Variants in ZNF891 observed in about 807,000 individuals in gnomAD.
ZNF891 encodes zinc finger protein 891, also known as hCG1646157.
For missense variants in ZNF891, 589 were observed against 632.7 expected (o/e 0.93, Z 0.74); for synonymous variants, 199 against 209.0 (o/e 0.95, Z 0.41).
At position 133,116,518 on chromosome 12, in the gene ZNF891, A is replaced by G. The variant is rs1955716039; in HGVS notation, c.*3766T>C. On this transcript the variant is annotated 3_prime_UTR_variant, in exon 2 of 2. Coordinates refer to ENST00000537226, the MANE Select transcript of ZNF891 (RefSeq NM_001277291.2). ...GCAGGCTCTCCTTTCCAAGCTACAA[A>G]TGAATCCCAGTAGACCTAAATACCC... 6.6e-6 allele frequency: 1 copy of G among 152,258 alleles called. No individual in the cohort carries two copies. Among genetic ancestry groups the G allele is most frequent in the Non-Finnish European group, 1.5e-5 (1 of 68,092 alleles). The allele number at this position is 152,258 out of a possible 1,614,324, so 9.4% of individuals were successfully genotyped here. A position where few individuals can be genotyped will look rare whatever the true frequency, so the allele number is the denominator to read the frequency against.
At position 133,119,802 on chromosome 12, in the gene ZNF891, C is replaced by T. The variant is rs1448110002; in HGVS notation, c.*482G>A. 3 of 155,892 alleles carry T rather than the reference C, an allele frequency of 1.9e-5. No homozygotes were observed. The highest frequency in any genetic ancestry group is 7.2e-5 in the African/African-American group (3 of 41,456). The allele number at this position is 155,892 out of a possible 1,614,324, so 9.7% of individuals were successfully genotyped here. On this transcript the variant is annotated 3_prime_UTR_variant, in exon 2 of 2. Coordinates refer to ENST00000537226, the MANE Select transcript of ZNF891 (RefSeq NM_001277291.2). The stretch of plus-strand genomic sequence containing the variant: ...GATAGTTCTGATCCCAGTGATATGT[C>T]TATTTTTGAATCAGCAAGAATGAAT...
rs969157056 is a variant in ZNF891, at chr12:133,111,233, T to C, written c.*9051A>G. 29 of 151,920 alleles carry C rather than the reference T, an allele frequency of 1.9e-4. No homozygotes were observed. Among genetic ancestry groups the C allele is most frequent in the African/African-American group, 6.3e-4 (26 of 41,344 alleles). The allele number at this position is 151,920 out of a possible 1,614,324, so 9.4% of individuals were successfully genotyped here. A position where few individuals can be genotyped will look rare whatever the true frequency, so the allele number is the denominator to read the frequency against. Reference sequence around the variant, plus strand: ...AGGAAACAAAACAAAAAAAAATAAATTATGTAACCCAGCACTTTGGGAGGC... The same window carrying C: ...AGGAAACAAAACAAAAAAAAATAAACTATGTAACCCAGCACTTTGGGAGGC... On this transcript the variant is annotated 3_prime_UTR_variant, in exon 2 of 2. Coordinates refer to ENST00000537226, the MANE Select transcript of ZNF891 (RefSeq NM_001277291.2).
At chr12:133,127,232 T>G (rs1326856930) in intron 1 of ZNF891, among the ~76,000 whole-genome samples, 1 of 152,118 alleles carries the variant, frequency 6.6e-6, no homozygotes, top group Non-Finnish European at 1.5e-5. Flanking sequence ...CCCAAAATGT[T>G]GGGATTACAG....
intron 1 of ZNF891, among the ~76,000 whole-genome samples, chr12:133,126,497 T>C (rs949743877): frequency 9.2e-6 from 1 of 108,412 alleles, no homozygotes; most frequent in Non-Finnish European, 2.0e-5. Context: ...AAAAAAAAGA[T>C]AAACTTAAGG....
intron 1 of ZNF891, among the ~76,000 whole-genome samples, chr12:133,128,404 G>A (rs1955837891): frequency 6.6e-6 from 1 of 152,218 alleles, no homozygotes; most frequent in Non-Finnish European, 1.5e-5. Context: ...GGCCAAGGCG[G>A]GCGGATTGCC....
At chr12:133,128,567 G>A (rs1293984921) in intron 1 of ZNF891, among the ~76,000 whole-genome samples, 1 of 152,236 alleles carries the variant, frequency 6.6e-6, no homozygotes, top group Non-Finnish European at 1.5e-5. Context: ...CCGGGATGTG[G>A]AAGTTGCAGT....
chr12:133,107,188 A>G lies in ZNF891; in HGVS notation c.*13096T>C, dbSNP rs1041897855. On this transcript the variant is annotated 3_prime_UTR_variant, in exon 2 of 2. Transcript: ENST00000537226. ...ACATTTTAATACTCTTGTAGGAGAA[A>G]AAGCAACTGTATAAATGAATGTAGA... The G allele has an allele frequency of 6.6e-6, 1 of 152,414 alleles. No homozygotes were observed. Among genetic ancestry groups the G allele is most frequent in the African/African-American group, 2.4e-5 (1 of 41,460 alleles). 9.4% of individuals were successfully genotyped at this position (152,414 alleles called of 1,614,324 possible).
Position 133,105,701 on chromosome 12 carries a change from G to A in ZNF891, c.*14583C>T. 1 of 1,614,160 alleles carries A rather than the reference G, an allele frequency of 6.2e-7. No individual in the cohort carries two copies. Among genetic ancestry groups the A allele is most frequent in the Non-Finnish European group, 8.5e-7 (1 of 1,180,018 alleles). ...TCAGGGATGTATTAGGAAAGTAACA[G>A]TCTCTCATCAAGAAGCCCTGGCTCA... On this transcript the variant is annotated 3_prime_UTR_variant, in exon 2 of 2. Coordinates refer to ENST00000537226, the MANE Select transcript of ZNF891 (RefSeq NM_001277291.2).
In ZNF891 at chr12:133,109,046, C is replaced by T. The variant is rs1593819496; in HGVS notation, c.*11238G>A. Reference sequence around the variant, plus strand: ...ATGATAGCTATCAGTTATTGTGGCTCAAGAAAATTCTTCTTCTGGTGTAGC... The same window carrying T: ...ATGATAGCTATCAGTTATTGTGGCTTAAGAAAATTCTTCTTCTGGTGTAGC... On this transcript the variant is annotated 3_prime_UTR_variant, in exon 2 of 2. Coordinates refer to ENST00000537226, the MANE Select transcript of ZNF891 (RefSeq NM_001277291.2). 1 of 150,520 alleles carries T rather than the reference C, an allele frequency of 6.6e-6. No homozygotes were observed. The allele number at this position is 150,520 out of a possible 1,614,324, so 9.3% of individuals were successfully genotyped here. A position where few individuals can be genotyped will look rare whatever the true frequency, so the allele number is the denominator to read the frequency against.
At chr12:133,127,690 CAG>C (rs1292066515) in intron 1 of ZNF891, among the ~76,000 whole-genome samples, 1 of 152,140 alleles carries the variant, frequency 6.6e-6, no homozygotes, top group African/African-American at 2.4e-5. Flanking sequence ...AGATTTAACA[CAG>C]AGGTGAGATG....
intron 1 of ZNF891, among the ~76,000 whole-genome samples, chr12:133,122,865 C>T (rs1258306153): frequency 6.6e-6 from 1 of 152,174 alleles, no homozygotes; most frequent in African/African-American, 2.4e-5. Context: ...GAACCATGAA[C>T]TGCATTCCCA....
At chr12:133,129,566 T>C (rs2137630782) in intron 1 of ZNF891, among the ~76,000 whole-genome samples, 1 of 148,250 alleles carries the variant, frequency 6.7e-6, no homozygotes, top group Admixed American at 6.7e-5. Flanking sequence ...TAAGACCAAA[T>C]AGCACCAAAC....
Position 133,105,002 on chromosome 12 carries a change from G to A in ZNF891, c.*15282C>T, listed in dbSNP as rs1419817635. Among the ~76,000 whole-genome samples the A allele has an allele frequency of 2.0e-5, 3 of 152,076 alleles. No homozygotes were observed. Among genetic ancestry groups the A allele is most frequent in the African/African-American group, 7.2e-5 (3 of 41,412 alleles). On this transcript the variant is annotated 3_prime_UTR_variant, in exon 2 of 2. Transcript: ENST00000537226. ...AAAGACATAATTATACCAAATATGA[G>A]CTTCATACTAGTTCAGAAGGTAGAG...
chr12:133,106,397 C>G lies in ZNF891; in HGVS notation c.*13887G>C. ...TTTCACTTGGCATGCATCCCTTATTCAACATACGAAGAGTCACACTGGAGA... is the reference window on the plus strand; with the variant it reads ...TTTCACTTGGCATGCATCCCTTATTGAACATACGAAGAGTCACACTGGAGA... On this transcript the variant is annotated 3_prime_UTR_variant, in exon 2 of 2. Coordinates refer to ENST00000537226, the MANE Select transcript of ZNF891 (RefSeq NM_001277291.2). The G allele has an allele frequency of 6.2e-7, 1 of 1,614,124 alleles. No individual in the cohort carries two copies. The highest frequency in any genetic ancestry group is 2.2e-5 in the East Asian group (1 of 44,870).
rs768872656 is a variant in ZNF891, at chr12:133,120,378, T to C, written c.1541A>G (p.Lys514Arg). Residue 514 changes from lysine to arginine, a missense_variant, in exon 2 of 2, where the codon AAA becomes AGA. Coordinates refer to ENST00000537226, the MANE Select transcript of ZNF891 (RefSeq NM_001277291.2). ...RRHVRIHTGE[K>R]PYECIQCGKA... ...TCCACATTGAATACATTCATAGGGT[T>C]TCTCTCCAGTGTGAATTCTCACATG... 6.3e-7 allele frequency: 1 copy of C among 1,593,574 alleles called. No individual in the cohort carries two copies. The highest frequency in any genetic ancestry group is 1.1e-5 in the South Asian group (1 of 88,978).
Position 133,113,488 on chromosome 12 carries a change from G to GTCAA in ZNF891, c.*6792_*6795dup, listed in dbSNP as rs1475980464. On this transcript the variant is annotated 3_prime_UTR_variant, in exon 2 of 2. Transcript: ENST00000537226. Reference sequence around the variant, plus strand: ...TAATGTATCAAATATATCTCCACATGTCAATCCACACAAATACATTTTAAT... The same window carrying GTCAA: ...TAATGTATCAAATATATCTCCACATGTCAATCAATCCACACAAATACATTTTAAT... The GTCAA allele has an allele frequency of 1.3e-5, 2 of 151,962 alleles. No homozygotes were observed. The highest frequency in any genetic ancestry group is 4.8e-5 in the African/African-American group (2 of 41,364). 9.4% of individuals were successfully genotyped at this position (151,962 alleles called of 1,614,324 possible). A position where few individuals can be genotyped will look rare whatever the true frequency, so the allele number is the denominator to read the frequency against.
In ZNF891 at chr12:133,120,180, G is replaced by A; in HGVS notation, c.*104C>T. 1 of 865,522 alleles carries A rather than the reference G, an allele frequency of 1.2e-6. No individual in the cohort carries two copies. The highest frequency in any genetic ancestry group is 1.7e-6 in the Non-Finnish European group (1 of 601,080). 53.6% of individuals were successfully genotyped at this position (865,522 alleles called of 1,614,324 possible). A position where few individuals can be genotyped will look rare whatever the true frequency, so the allele number is the denominator to read the frequency against. On this transcript the variant is annotated 3_prime_UTR_variant, in exon 2 of 2. Transcript: ENST00000537226. Reference sequence around the variant, plus strand: ...CAGAAAATGTTATATTAAAAAAAGAGCCATTTGTAACCTTAAATCGTTCTT... The same window carrying A: ...CAGAAAATGTTATATTAAAAAAAGAACCATTTGTAACCTTAAATCGTTCTT...
Position 133,120,141 on chromosome 12 carries a change from A to T in ZNF891, c.*143T>A. 1 of 576,436 alleles carries T rather than the reference A, an allele frequency of 1.7e-6. No individual in the cohort carries two copies. The highest frequency in any genetic ancestry group is 2.8e-6 in the Non-Finnish European group (1 of 359,876). 35.7% of individuals were successfully genotyped at this position (576,436 alleles called of 1,614,324 possible). On this transcript the variant is annotated 3_prime_UTR_variant, in exon 2 of 2. Coordinates refer to ENST00000537226, the MANE Select transcript of ZNF891 (RefSeq NM_001277291.2). ...AAACAGCCATGGATCAAAAAAAGTC[A>T]TAATTAGTATTTACAGAAAATGTTA...
At position 133,121,748 on chromosome 12, in the gene ZNF891, C is replaced by T. The variant is rs749918997; in HGVS notation, c.171G>A (p.Trp57Ter). 12 of 1,536,722 alleles carry T rather than the reference C, an allele frequency of 7.8e-6. No homozygotes were observed. The highest frequency in any genetic ancestry group is 9.6e-6 in the Non-Finnish European group (11 of 1,146,998). Residue 57 changes from tryptophan to a stop codon, truncating the protein, a stop_gained, in exon 2 of 2, where the codon TGG becomes TGA. Transcript: ENST00000537226. LOFTEE classifies it low-confidence loss of function (END_TRUNC). ...TTCTTTGAGCAGAATCCAGCATCAT[C>T]CACTCCTCCTGAGTGAACTCCACAG... ...DVAVEFTQEE[W>*]MMLDSAQRSL...
Sources: allele counts gnomAD v4.1 joint callset (sites outside exome capture counted in the v4.1 genomes callset), GRCh38; gene constraint gnomAD v4.1.1; transcripts MANE v1.5; gene names NCBI Gene and HGNC (gene_info 2026-07-23, HGNC 2026-07-21).